The following H1-6 variants were observed in gnomAD, a reference collection of about 807,000 sequenced individuals.
H1-6 encodes the protein histone H1t.
For missense variants in H1-6, 538 were observed against 246.5 expected (o/e 2.18, Z -7.92); for synonymous variants, 225 against 100.1 (o/e 2.25, Z -7.45).
chr6:26,107,713 T>C lies in H1-6; in HGVS notation c.381A>G (p.Ser127=), dbSNP rs539840886. The part of the protein sequence containing the change: ...PKSTRSKAKK[S]VSAKTKKLVL... Reference sequence around the variant, plus strand: ...CCAGCTTCTTGGTCTTGGCAGAAACTGACTTTTTAGCCTTGCTTCTGGTAG... The same window carrying C: ...CCAGCTTCTTGGTCTTGGCAGAAACCGACTTTTTAGCCTTGCTTCTGGTAG... The change falls in exon 1 of 1, where the codon TCA becomes TCG. Residue 127 remains serine (S), a synonymous_variant. Transcript: ENST00000338379. 13 of 1,614,234 alleles carry C rather than the reference T, an allele frequency of 8.1e-6. No homozygotes were observed. The South Asian group carries it at 1.1e-4, about 14-fold the overall frequency.
chr6:26,107,679 TG>T lies in H1-6; in HGVS notation c.414del (p.Arg139GlyfsTer45). 6.2e-7 allele frequency: 1 copy of T among 1,614,208 alleles called. No individual in the cohort carries two copies. Among genetic ancestry groups the T allele is most frequent in the Non-Finnish European group, 8.5e-7 (1 of 1,180,008 alleles). On this transcript the variant is annotated frameshift_variant, in exon 1 of 1. Coordinates refer to ENST00000338379, the MANE Select transcript of H1-6 (RefSeq NM_005323.4). LOFTEE classifies it low-confidence loss of function (END_TRUNC). ...GCAGTCTTTGGTGACTTGGAGTCCC[TG>T]GATAAAACCAGCTTCTTGGTCTTGG... The part of the protein sequence containing the change: ...VSAKTKKLVL[S>X]RDSKSPKTAK...
Position 26,107,873 on chromosome 6 carries a change from C to T in H1-6, c.221G>A (p.Gly74Asp). ...VALKKALAAAGYDVEKNNSRI... is the reference protein window; with the variant it reads ...VALKKALAAADYDVEKNNSRI... ...GCTGTTATTCTTCTCTACGTCGTAG[C>T]CAGCAGCGGCCAATGCCTTCTTGAG... The change falls in exon 1 of 1, where the codon GGC becomes GAC. Residue 74 changes from glycine to aspartate, a missense_variant. Transcript: ENST00000338379. 6.2e-7 allele frequency: 1 copy of T among 1,614,226 alleles called. No homozygotes were observed. The highest frequency in any genetic ancestry group is 8.5e-7 in the Non-Finnish European group (1 of 1,180,050).
rs776843258 is a variant in H1-6 at position 26,107,765 on chromosome 6, T to C, written c.329A>G (p.Lys110Arg). The change falls in exon 1 of 1, where the codon AAG becomes AGG. Residue 110 changes from lysine to arginine, a missense_variant. By Grantham distance (26) the Lys-to-Arg change is conservative (BLOSUM62 2). Transcript: ENST00000338379. ...TTTAGGAATCACCTTCTTACTAAGC[T>C]TAAAGGAACCGGAAGCACCAGTACC... is the stretch of plus-strand genomic sequence containing the variant. The part of the protein sequence containing the change: ...TRGTGASGSF[K>R]LSKKVIPKST... 11 of 1,614,094 alleles carry C rather than the reference T, an allele frequency of 6.8e-6. No individual in the cohort carries two copies. In the Admixed American group the frequency reaches 1.8e-4, roughly 27 times the overall value.
chr6:26,107,795 G>C lies in H1-6; in HGVS notation c.299C>G (p.Thr100Ser). ...SLVNKGILVQ[T>S]RGTGASGSFK... ...GGAACCGGAAGCACCAGTACCCCTG[G>C]TTTGCACCAGGATTCCCTTGTTCAC... is the stretch of plus-strand genomic sequence containing the variant. Residue 100 changes from threonine (T) to serine (S), a missense_variant, in exon 1 of 1, where the codon ACC (threonine) becomes AGC (serine). Physicochemically the swap from Thr to Ser is moderately conservative, Grantham distance 58. Transcript: ENST00000338379. 2 of 1,614,162 alleles carry C rather than the reference G, an allele frequency of 1.2e-6. No individual in the cohort carries two copies. Among genetic ancestry groups the C allele is most frequent in the South Asian group, 1.1e-5 (1 of 91,086 alleles).
Position 26,107,757 on chromosome 6 carries a change from T to TA in H1-6, c.336dup (p.Lys113Ter). On this transcript the variant is annotated frameshift_variant, in exon 1 of 1. Transcript: ENST00000338379. LOFTEE classifies it low-confidence loss of function (END_TRUNC). ...CTGGTAGATTTAGGAATCACCTTCT[T>TA]ACTAAGCTTAAAGGAACCGGAAGCA... 2 of 1,614,218 alleles carry TA rather than the reference T, an allele frequency of 1.2e-6. No individual in the cohort carries two copies. Among genetic ancestry groups the TA allele is most frequent in the Non-Finnish European group, 1.7e-6 (2 of 1,180,044 alleles).
chr6:26,108,042 C>T lies in H1-6; in HGVS notation c.52G>A (p.Glu18Lys). Residue 18 changes from glutamate to lysine, a missense_variant, in exon 1 of 1, where the codon GAG (glutamate) becomes AAG (lysine). Coordinates refer to ENST00000338379, the MANE Select transcript of H1-6 (RefSeq NM_005323.4). ...ASASAGVAAM[E>K]KLPTKKRGRK... ...CCTCGCTTCTTGGTTGGAAGTTTCT[C>T]CATAGCGGCTACACCAGCACTGGCA... 6.2e-7 allele frequency: 1 copy of T among 1,614,194 alleles called. No homozygotes were observed. Among genetic ancestry groups the T allele is most frequent in the Non-Finnish European group, 8.5e-7 (1 of 1,180,024 alleles).
rs1349785167 is a variant in H1-6 at position 26,108,076 on chromosome 6, A to T, written c.18T>A (p.Pro6=). 6.2e-7 allele frequency: 1 copy of T among 1,613,994 alleles called. No homozygotes were observed. The highest frequency in any genetic ancestry group is 1.7e-5 in the Admixed American group (1 of 60,006). The change falls in exon 1 of 1, where the codon CCT becomes CCA. Residue 6 remains proline (P), a synonymous_variant. Transcript: ENST00000338379. MSETV[P]AASASAGVAA... ...CTACACCAGCACTGGCAGAAGCTGC[A>T]GGCACGGTTTCAGACATAACAACAG...
Position 26,107,583 on chromosome 6 carries a change from T to TA in H1-6, c.510dup (p.Lys171Ter). The TA allele has an allele frequency of 6.2e-7, 1 of 1,614,210 alleles. No homozygotes were observed. Among genetic ancestry groups the TA allele is most frequent in the Non-Finnish European group, 8.5e-7 (1 of 1,180,026 alleles). ...TGCTGTTGCTTACCCTTGGCTCCTT[T>TA]AGCCTTTCTCCCGCTCCTAACAGTT... On this transcript the variant is annotated frameshift_variant, in exon 1 of 1. Coordinates refer to ENST00000338379, the MANE Select transcript of H1-6 (RefSeq NM_005323.4). LOFTEE classifies it low-confidence loss of function (END_TRUNC).
Position 26,107,736 on chromosome 6 carries a change from T to C in H1-6, c.358A>G (p.Thr120Ala), listed in dbSNP as rs142609324. 3.7e-5 allele frequency: 60 copies of C among 1,614,210 alleles called. No homozygotes were observed. In the Admixed American group the frequency reaches 6.3e-4, roughly 17 times the overall value. The change falls in exon 1 of 1, where the codon ACC becomes GCC. Residue 120 changes from threonine to alanine, a missense_variant. Transcript: ENST00000338379. Reference sequence around the variant, plus strand: ...ACTGACTTTTTAGCCTTGCTTCTGGTAGATTTAGGAATCACCTTCTTACTA... The same window carrying C: ...ACTGACTTTTTAGCCTTGCTTCTGGCAGATTTAGGAATCACCTTCTTACTA... ...KLSKKVIPKS[T>A]RSKAKKSVSA...
chr6:26,107,974 C>T lies in H1-6; in HGVS notation c.120G>A (p.Pro40=). 1.9e-6 allele frequency: 3 copies of T among 1,614,180 alleles called. No individual in the cohort carries two copies. In the South Asian group the frequency reaches 3.3e-5, roughly 18 times the overall value. Residue 40 remains proline (P), a synonymous_variant, in exon 1 of 1, where the codon CCG becomes CCA. Transcript: ENST00000338379. ...TGATCAACTTGGACACAGAGAGGTT[C>T]GGCACTTTGCGACTTGCACTTATCA... The part of the protein sequence containing the change: ...AGLISASRKV[P]NLSVSKLITE...
At position 26,107,574 on chromosome 6, in the gene H1-6, T is replaced by C. The variant is rs375702896; in HGVS notation, c.520A>G (p.Lys174Glu). Reference sequence around the variant, plus strand: ...GGGCTCTTCTGCTGTTGCTTACCCTTGGCTCCTTTAGCCTTTCTCCCGCTC... The same window carrying C: ...GGGCTCTTCTGCTGTTGCTTACCCTCGGCTCCTTTAGCCTTTCTCCCGCTC... ...VRSGRKAKGA[K>E]GKQQQKSPVK... is the part of the protein sequence containing the mutation. Residue 174 changes from lysine to glutamate, a missense_variant, in exon 1 of 1, where the codon AAG (lysine) becomes GAG (glutamate). Coordinates refer to ENST00000338379, the MANE Select transcript of H1-6 (RefSeq NM_005323.4). 8.1e-6 allele frequency: 13 copies of C among 1,614,212 alleles called. No individual in the cohort carries two copies. Among genetic ancestry groups the C allele is most frequent in the South Asian group, 3.3e-5 (3 of 91,080 alleles).
In H1-6 at chr6:26,107,979, C is replaced by A; in HGVS notation, c.115G>T (p.Val39Leu). ...AACTTGGACACAGAGAGGTTCGGCA[C>A]TTTGCGACTTGCACTTATCAAGCCA... is the stretch of plus-strand genomic sequence containing the variant. ...PAGLISASRK[V>L]PNLSVSKLIT... The change falls in exon 1 of 1, where the codon GTG becomes TTG. Residue 39 changes from valine to leucine, a missense_variant. Val to Leu is a conservative substitution (Grantham distance 32). Coordinates refer to ENST00000338379, the MANE Select transcript of H1-6 (RefSeq NM_005323.4). The A allele has an allele frequency of 1.2e-6, 2 of 1,614,226 alleles. No homozygotes were observed. Among genetic ancestry groups the A allele is most frequent in the Non-Finnish European group, 1.7e-6 (2 of 1,180,048 alleles).
At position 26,107,596 on chromosome 6, in the gene H1-6, G is replaced by C. The variant is rs143215132; in HGVS notation, c.498C>G (p.Ser166Arg). ...CCTTGGCTCCTTTAGCCTTTCTCCC[G>C]CTCCTAACAGTTTTAGGAGTTGTCG... ...PRATTPKTVR[S>R]GRKAKGAKGK... is the part of the protein sequence containing the mutation. Residue 166 changes from serine (S) to arginine (R), a missense_variant, in exon 1 of 1, where the codon AGC becomes AGG. By Grantham distance (110) the Ser-to-Arg change is moderately radical. Coordinates refer to ENST00000338379, the MANE Select transcript of H1-6 (RefSeq NM_005323.4). 3.4e-4 allele frequency: 549 copies of C among 1,614,034 alleles called. 3 individuals carry two copies. The African/African-American group carries it at 6.5e-3, about 19-fold the overall frequency.
chr6:26,107,942 G>C lies in H1-6; in HGVS notation c.152C>G (p.Ala51Gly), dbSNP rs779294089. 6.2e-7 allele frequency: 1 copy of C among 1,614,176 alleles called. No homozygotes were observed. Among genetic ancestry groups the C allele is most frequent in the Non-Finnish European group, 8.5e-7 (1 of 1,180,032 alleles). Reference protein sequence around the residue: ...NLSVSKLITEALSVSQERVGM... With the variant: ...NLSVSKLITEGLSVSQERVGM... ...TACTCGTTCCTGTGACACTGAAAGG[G>C]CCTCGGTGATCAACTTGGACACAGA... The change falls in exon 1 of 1, where the codon GCC becomes GGC. Residue 51 changes from alanine to glycine, a missense_variant. Transcript: ENST00000338379.
Position 26,107,425 on chromosome 6 carries a change from A to C in H1-6, c.*45T>G. 6.6e-7 allele frequency: 1 copy of C among 1,517,084 alleles called. No homozygotes were observed. The highest frequency in any genetic ancestry group is 2.3e-5 in the East Asian group (1 of 44,378). The allele number at this position is 1,517,084 out of a possible 1,614,324, so 94.0% of individuals were successfully genotyped here. A position where few individuals can be genotyped will look rare whatever the true frequency, so the allele number is the denominator to read the frequency against. ...CTTAAAATAATGTGGGTGGCTCTTA[A>C]AAGAGCCTTTGGGTTCTTTCCAAAT... is the stretch of plus-strand genomic sequence containing the variant. On this transcript the variant is annotated 3_prime_UTR_variant, in exon 1 of 1. Transcript: ENST00000338379.
rs370020103 is a variant in H1-6, at chr6:26,107,640, T to C, written c.454A>G (p.Arg152Gly). The part of the protein sequence containing the change: ...KSPKTAKTNK[R>G]AKKPRATTPK... ...GTTGTCGCTCTCGGCTTCTTGGCTC[T>C]CTTATTGGTTTTAGCAGTCTTTGGT... Residue 152 changes from arginine to glycine, a missense_variant, in exon 1 of 1, where the codon AGA (arginine) becomes GGA (glycine). Coordinates refer to ENST00000338379, the MANE Select transcript of H1-6 (RefSeq NM_005323.4). 6.2e-6 allele frequency: 10 copies of C among 1,614,062 alleles called. No homozygotes were observed. The highest frequency in any genetic ancestry group is 5.3e-5 in the African/African-American group (4 of 74,916).
rs779945848 is a variant in H1-6 at position 26,107,938 on chromosome 6, A to C, written c.156T>G (p.Leu52=). 5.0e-6 allele frequency: 8 copies of C among 1,614,020 alleles called. No homozygotes were observed. ...LSVSKLITEA[L]SVSQERVGMS... ...TACCTACTCGTTCCTGTGACACTGA[A>C]AGGGCCTCGGTGATCAACTTGGACA... Residue 52 remains leucine (L), a synonymous_variant, in exon 1 of 1, where the codon CTT becomes CTG. Transcript: ENST00000338379.
rs1273151824 is a variant in H1-6 at position 26,107,561 on chromosome 6, T to C, written c.533A>G (p.Gln178Arg). 9 of 1,614,060 alleles carry C rather than the reference T, an allele frequency of 5.6e-6. No individual in the cohort carries two copies. The African/African-American group carries it at 1.2e-4, about 22-fold the overall frequency. Residue 178 changes from glutamine to arginine, a missense_variant, in exon 1 of 1, where the codon CAG becomes CGG. Gln to Arg is a conservative substitution (Grantham distance 43, BLOSUM62 1). Coordinates refer to ENST00000338379, the MANE Select transcript of H1-6 (RefSeq NM_005323.4). The stretch of plus-strand genomic sequence containing the variant: ...CCTTGCCTTCACTGGGCTCTTCTGC[T>C]GTTGCTTACCCTTGGCTCCTTTAGC... Reference protein sequence around the residue: ...RKAKGAKGKQQQKSPVKARAS... With the variant: ...RKAKGAKGKQRQKSPVKARAS...
At position 26,107,548 on chromosome 6, in the gene H1-6, T is replaced by G. The variant is rs150801250; in HGVS notation, c.546A>C (p.Pro182=). Residue 182 remains proline (P), a synonymous_variant, in exon 1 of 1, where the codon CCA becomes CCC. Coordinates refer to ENST00000338379, the MANE Select transcript of H1-6 (RefSeq NM_005323.4). ...GAKGKQQQKS[P]VKARASKSKL... The stretch of plus-strand genomic sequence containing the variant: ...TTGACTTCGAAGCCCTTGCCTTCAC[T>G]GGGCTCTTCTGCTGTTGCTTACCCT... 1.8e-4 allele frequency: 290 copies of G among 1,613,880 alleles called. No homozygotes were observed. In the African/African-American group the frequency reaches 2.7e-3, roughly 15 times the overall value.
Sources: allele counts gnomAD v4.1 joint callset, GRCh38; gene constraint gnomAD v4.1.1; transcripts MANE v1.5; gene names NCBI Gene and HGNC (gene_info 2026-07-23, HGNC 2026-07-21).